SRPX2: variants seen among roughly 807,000 people sequenced by gnomAD.
SRPX2 encodes sushi repeat-containing protein SRPX2.
In SRPX2, 26 loss-of-function variants were observed where a neutral mutation model predicts 45.3. The ratio of observed to expected loss-of-function variants is 0.57; its 90% CI spans 0.42 to 0.80. The LOEUF (loss-of-function observed/expected upper bound fraction) is 0.80. Ranked by LOEUF, SRPX2 falls within the 30% of genes least tolerant of loss-of-function variation. SRPX2 has a pLI of 0.00. For missense variants in SRPX2, 355 were observed against 399.8 expected (o/e 0.89, Z 0.95); for synonymous variants, 125 against 143.7 (o/e 0.87, Z 0.93).
At position 100,646,399 on chromosome X, in the gene SRPX2, A is replaced by G. The variant is rs1378413117; in HGVS notation, c.77A>G (p.Tyr26Cys). The change falls in exon 2 of 11, where the codon TAT (tyrosine) becomes TGT (cysteine). Residue 26 changes from tyrosine to cysteine, a missense_variant. Transcript: ENST00000373004. ...ACTCCGGCAGTGACACCAACATGGT[A>G]TGCAGGTAAGTTCTAGGAGCTGTTG... is the stretch of plus-strand genomic sequence containing the variant. ...FLTPAVTPTW[Y>C]AGSGYYPDES... is the part of the protein sequence containing the mutation. The G allele has an allele frequency of 8.3e-7, 1 of 1,209,861 alleles. No homozygotes were observed. The highest frequency in any genetic ancestry group is 1.1e-6 in the Non-Finnish European group (1 of 894,349).
At chrX:100,649,233 G>T (rs2083144388) in intron 2 of SRPX2, 1 of 111,338 alleles carries the variant, frequency 9.0e-6, no homozygotes, top group Non-Finnish European at 1.9e-5. Flanking sequence ...TCAAAAGCTG[G>T]CTCTGTAACC....
In SRPX2 at chrX:100,666,956, G is replaced by A. The variant is rs773665354; in HGVS notation, c.961+23G>A. The stretch of plus-strand genomic sequence containing the variant: ...CTCGTGAGTGAAACCGGGGAATGGG[G>A]CAAGTGGATGTGGTGATCAGGGGAA... On this transcript the variant is annotated intron_variant, in intron 8 of 10. Transcript: ENST00000373004. 7 of 1,199,876 alleles carry A rather than the reference G, an allele frequency of 5.8e-6. No individual in the cohort carries two copies. The Admixed American group carries it at 6.8e-5, about 12-fold the overall frequency.
chrX:100,674,163 C>A lies in SRPX2; in HGVS notation c.*3176C>A, dbSNP rs1215691767. ...CTCCCCTCACCTCCTGTATGAACATCTCTCTCCTTCCTCCAGTATAGGAGG... is the reference window on the plus strand; with the variant it reads ...CTCCCCTCACCTCCTGTATGAACATATCTCTCCTTCCTCCAGTATAGGAGG... On this transcript the variant is annotated 3_prime_UTR_variant, in exon 11 of 11. Transcript: ENST00000373004. The A allele has an allele frequency of 8.9e-6, 1 of 111,869 alleles. No individual in the cohort carries two copies. Among genetic ancestry groups the A allele is most frequent in the Non-Finnish European group, 1.9e-5 (1 of 53,194 alleles). The allele number at this position is 111,869 out of a possible 1,213,427, so 9.2% of individuals were successfully genotyped here.
chrX:100,671,176 G>A lies in SRPX2; in HGVS notation c.*189G>A, dbSNP rs775264491. The A allele has an allele frequency of 4.3e-5, 22 of 509,654 alleles. No homozygotes were observed. Among genetic ancestry groups the A allele is most frequent in the African/African-American group, 3.7e-4 (16 of 43,078 alleles). The allele number at this position is 509,654 out of a possible 1,213,427, so 42.0% of individuals were successfully genotyped here. ...TGTGTAATAGTTTCCCTAGAAGCTA[G>A]GTAGGGACTGAGGACAGGCCTTGGG... On this transcript the variant is annotated 3_prime_UTR_variant, in exon 11 of 11. Coordinates refer to ENST00000373004, the MANE Select transcript of SRPX2 (RefSeq NM_014467.3).
intron 1 of SRPX2, among the ~76,000 whole-genome samples, chrX:100,645,584 C>T (rs1027554702): frequency 8.9e-6 from 1 of 111,893 alleles, no homozygotes; most frequent in Admixed American, 9.5e-5. Context: ...CTGCCTGGGA[C>T]ACTAGAGAAG....
intron 3 of SRPX2, among the ~76,000 whole-genome samples, chrX:100,652,881 T>C (rs1283069542): frequency 9.0e-6 from 1 of 111,229 alleles, no homozygotes; most frequent in Non-Finnish European, 1.9e-5. Context: ...CTAAACTCTC[T>C]ACAGTCTGTT....
In SRPX2 at chrX:100,674,961, G is replaced by A. The variant is rs2083253554; in HGVS notation, c.*3974G>A. ...AAGCAGGAAGTCAGAATAACAGGGAGACTCTGTCTACATTCCCTTAGAGCC... is the reference window on the plus strand; with the variant it reads ...AAGCAGGAAGTCAGAATAACAGGGAAACTCTGTCTACATTCCCTTAGAGCC... On this transcript the variant is annotated 3_prime_UTR_variant, in exon 11 of 11. Transcript: ENST00000373004. The A allele has an allele frequency of 1.8e-5, 2 of 111,760 alleles. No individual in the cohort carries two copies. The highest frequency in any genetic ancestry group is 1.9e-4 in the Admixed American group (2 of 10,552). 9.2% of individuals were successfully genotyped at this position (111,760 alleles called of 1,213,427 possible).
At chrX:100,659,011 A>G (rs1431823550) in intron 3 of SRPX2, among the ~76,000 whole-genome samples, 1 of 111,757 alleles carries the variant, frequency 8.9e-6, no homozygotes, top group East Asian at 2.8e-4. Flanking sequence ...AATGACATGA[A>G]AAGCATTGTC....
chrX:100,658,324 T>A (rs2083177130), intron 3 of SRPX2, among the ~76,000 whole-genome samples: 1 of 112,162 alleles, frequency 8.9e-6, no homozygotes, highest in Non-Finnish European at 1.9e-5. Flanking sequence ...TTATTCTGTA[T>A]AAGGTTATCT....
chrX:100,667,485 C>T, intron 9 of SRPX2, 78 bp downstream of exon 9: 1 of 1,131,317 alleles, frequency 8.8e-7, no homozygotes, highest in Non-Finnish European at 1.2e-6. Flanking sequence ...TTGTTCTCTG[C>T]AGCACAAACC....
At chrX:100,651,063 A>G (rs2083151620) in intron 3 of SRPX2, 198 bp downstream of exon 3, 1 of 426,581 alleles carries the variant, frequency 2.3e-6, no homozygotes, top group Non-Finnish European at 4.1e-6. Context: ...AAGGTTCTCC[A>G]TGTATTATTA....
At position 100,664,899 on chromosome X, in the gene SRPX2, C is replaced by A. The variant is rs150552508; in HGVS notation, c.481C>A (p.Arg161=). 1.7e-3 allele frequency: 2,100 copies of A among 1,209,407 alleles called. 3 individuals carry two copies. The highest frequency in any genetic ancestry group is 2.2e-3 in the Non-Finnish European group (2,003 of 895,086). The change falls in exon 5 of 11, where the codon CGA becomes AGA. Residue 161 remains arginine (R), a synonymous_variant. Transcript: ENST00000373004. The part of the protein sequence containing the change: ...SGYHLEGDRS[R]ICMEDGRWSG... ...CTACCACCTGGAAGGTGATCGCAGC[C>A]GAATCTGCATGGAAGATGGGAGATG...
intron 10 of SRPX2, 53 bp downstream of exon 10, chrX:100,669,422 G>GGGGGGGGGA: frequency 3.1e-6 from 1 of 319,100 alleles, no homozygotes; most frequent in South Asian, 2.8e-5. Context: ...GGGGCGGGGG[G>GGGGGGGGGA]AGAAACCCTA....
At chrX:100,650,745 A>T (rs1402334886) in intron 2 of SRPX2, 40 bp from the exon 3 acceptor site, 2 of 1,153,933 alleles carry the variant, frequency 1.7e-6, no homozygotes, top group South Asian at 3.6e-5. Context: ...ATTGAGTGAG[A>T]AATCAAGACA....
At chrX:100,659,950 C>G (rs2083182041) in intron 3 of SRPX2, among the ~76,000 whole-genome samples, 2 of 109,468 alleles carry the variant, frequency 1.8e-5, no homozygotes, top group African/African-American at 6.7e-5. Flanking sequence ...CCTTTAAACT[C>G]TGAACCCACT....
chrX:100,651,731 G>A (rs189253529), intron 3 of SRPX2, among the ~76,000 whole-genome samples: 13 of 103,149 alleles, frequency 1.3e-4, no homozygotes, highest in Admixed American at 1.2e-3. Flanking sequence ...GCAGTGAGCC[G>A]AGAGCTGAGA....
intron 3 of SRPX2, among the ~76,000 whole-genome samples, chrX:100,655,215 G>T (rs2083164866): frequency 9.0e-6 from 1 of 111,671 alleles, no homozygotes; most frequent in African/African-American, 3.3e-5. Context: ...TTGCACACTT[G>T]CTATGTAGTG....
intron 3 of SRPX2, among the ~76,000 whole-genome samples, chrX:100,655,865 T>TG (rs2083167349): frequency 1.0e-5 from 1 of 100,001 alleles, no homozygotes; most frequent in Admixed American, 1.1e-4. Context: ...GTTTTTTTTT[T>TG]TTTTTTTTTT....
rs771852530 is a variant in SRPX2 at position 100,661,933 on chromosome X, G to GTTT, written c.164-219_164-217dup. The stretch of plus-strand genomic sequence containing the variant: ...GGTGTGAGACTTAGGTCGAGGTGGG[G>GTTT]TTTTTTTTTTTTTTTTTTTTTTTTT... On this transcript the variant is annotated intron_variant, in intron 3 of 10. Transcript: ENST00000373004. 1.7e-3 allele frequency among the ~76,000 whole-genome samples: 100 copies of GTTT among 59,704 alleles called. 5 individuals are homozygous for GTTT. Among genetic ancestry groups the GTTT allele is most frequent in the East Asian group, 5.9e-3 (11 of 1,870 alleles). The allele number at this position is 59,704 out of a possible 115,157, so 51.8% of individuals were successfully genotyped here.
Sources: allele counts gnomAD v4.1 joint callset (sites outside exome capture counted in the v4.1 genomes callset), GRCh38; gene constraint gnomAD v4.1.1; transcripts MANE v1.5; gene names NCBI Gene and HGNC (gene_info 2026-07-23, HGNC 2026-07-21).